ADGRB3: variants seen among roughly 807,000 people sequenced by gnomAD.
ADGRB3 encodes adhesion G protein-coupled receptor B3.
A neutral mutation model predicts 193.4 loss-of-function variants in ADGRB3; 37 were observed. The observed-to-expected ratio is 0.19, with a 90% CI of 0.15 to 0.25. ADGRB3 has a LOEUF of 0.25. ADGRB3 is among the 10% of genes least tolerant of loss of function. The pLI is 1.00. For synonymous variants in ADGRB3, 690 were observed against 644.2 expected (o/e 1.07, Z -1.08); for missense variants, 1,637 against 1,852.9 (o/e 0.88, Z 2.14).
intron 10 of ADGRB3, among the ~76,000 whole-genome samples, chr6:68,981,895 T>TTAGACAGAG (rs199631684): frequency 7.1e-6 from 1 of 141,524 alleles, no homozygotes; most frequent in African/African-American, 2.5e-5. Flanking sequence ...TTTATTTATT[T>TTAGACAGAG]TAGACAGAGT....
intron 17 of ADGRB3, among the ~76,000 whole-genome samples, chr6:69,130,803 T>C (rs17509993): frequency 0.12 from 18,797 of 151,998 alleles, 1,233 homozygotes; most frequent in Middle Eastern, 0.29. Flanking sequence ...TTTCAGCTCT[T>C]TAATGCCTGT....
chr6:68,772,963 T>A (rs801272), intron 3 of ADGRB3, among the ~76,000 whole-genome samples: 110,679 of 117,780 alleles, frequency 0.94, 51,854 homozygotes, highest in East Asian at 1. Context: ...AAAATAAAAA[T>A]AAAATAGACA....
intron 5 of ADGRB3, among the ~76,000 whole-genome samples, chr6:68,941,033 C>G (rs1767628557): frequency 6.6e-6 from 1 of 151,966 alleles, no homozygotes; most frequent in Non-Finnish European, 1.5e-5. Context: ...CTCTAGTTAT[C>G]ACAAAAAGAC....
At chr6:68,883,687 G>A (rs1765807581) in intron 3 of ADGRB3, among the ~76,000 whole-genome samples, 1 of 152,140 alleles carries the variant, frequency 6.6e-6, no homozygotes, top group Admixed American at 6.5e-5. Context: ...AAGCCAGCGA[G>A]ACCACGAACC....
Position 68,635,918 on chromosome 6 carries a change from G to A in ADGRB3, c.-270G>A, listed in dbSNP as rs930240151. On this transcript the variant is annotated 5_prime_UTR_variant, in exon 1 of 32. Coordinates refer to ENST00000370598, the MANE Select transcript of ADGRB3 (RefSeq NM_001704.3). ...GGCAACGGTGATTGGGACCGAAGGG[G>A]AGTCTCTCCGTCACTGTTGCTGGGA... 1 of 152,704 alleles carries A rather than the reference G, an allele frequency of 6.5e-6. No individual in the cohort carries two copies. Among genetic ancestry groups the A allele is most frequent in the Non-Finnish European group, 1.5e-5 (1 of 68,196 alleles). 9.5% of individuals were successfully genotyped at this position (152,704 alleles called of 1,614,324 possible).
intron 5 of ADGRB3, among the ~76,000 whole-genome samples, chr6:68,940,568 T>TTTTGTTG (rs59628221): frequency 9.5e-5 from 1 of 10,578 alleles, no homozygotes; most frequent in Admixed American, 1.2e-3. Flanking sequence ...TTTTTTTTTT[T>TTTTGTTG]GCTAAATGTA....
intron 13 of ADGRB3, among the ~76,000 whole-genome samples, chr6:69,025,890 T>C (rs1003832947): frequency 5.3e-5 from 8 of 152,118 alleles, no homozygotes; most frequent in African/African-American, 1.2e-4. Flanking sequence ...GAGGGTGACA[T>C]TGTGAAAGGC....
intron 3 of ADGRB3, among the ~76,000 whole-genome samples, chr6:68,693,774 T>C (rs987856676): frequency 1.3e-5 from 2 of 151,958 alleles, no homozygotes; most frequent in Non-Finnish European, 2.9e-5. Context: ...CAGTGTATCA[T>C]GAATGTAGTG....
At chr6:68,747,745 G>A (rs1444539415) in intron 3 of ADGRB3, among the ~76,000 whole-genome samples, 1 of 152,154 alleles carries the variant, frequency 6.6e-6, no homozygotes, top group Non-Finnish European at 1.5e-5. Context: ...ACCTAGTTGA[G>A]AGTTTTCTTG....
rs1768021242 is a variant in ADGRB3, at chr6:68,639,145, T to C, written c.470T>C (p.Val157Ala). ...EDQKSFFEFL[V>A]LNKVSPSQFG... ...CAGAAATCTTTTTTTGAGTTTTTGG[T>C]ATTGAACAAGGTCAGCCCAAGCCAG... The change falls in exon 3 of 32, where the codon GTA becomes GCA. Residue 157 changes from valine (V) to alanine (A), a missense_variant. Around this residue, in one of 7 missense-constraint regions of ADGRB3, gnomAD observed 365 missense variants for 409.8 expected, o/e 0.89. Coordinates refer to ENST00000370598, the MANE Select transcript of ADGRB3 (RefSeq NM_001704.3). The C allele has an allele frequency of 6.2e-7, 1 of 1,614,030 alleles. No homozygotes were observed. Among genetic ancestry groups the C allele is most frequent in the Admixed American group, 1.7e-5 (1 of 60,002 alleles).
chr6:69,258,039 A>T (rs781485561), intron 20 of ADGRB3, among the ~76,000 whole-genome samples: 24 of 152,124 alleles, frequency 1.6e-4, no homozygotes, highest in Non-Finnish European at 2.5e-4. Context: ...TCCAGACCCC[A>T]TTTGTCAGGA....
intron 17 of ADGRB3, among the ~76,000 whole-genome samples, chr6:69,222,153 C>A (rs1765910788): frequency 6.6e-6 from 1 of 152,114 alleles, no homozygotes; most frequent in Non-Finnish European, 1.5e-5. Context: ...GAGGGATAAT[C>A]CTTGATGGAT....
At chr6:68,895,060 A>G (rs1223988068) in intron 3 of ADGRB3, among the ~76,000 whole-genome samples, 1 of 151,960 alleles carries the variant, frequency 6.6e-6, no homozygotes, top group Non-Finnish European at 1.5e-5. Flanking sequence ...TATTAAATAT[A>G]CTTTTTAAAC....
chr6:68,749,446 G>A (rs1582170266), intron 3 of ADGRB3, among the ~76,000 whole-genome samples: 2 of 139,462 alleles, frequency 1.4e-5, no homozygotes, highest in South Asian at 4.7e-4. Context: ...GTGTGTGTGT[G>A]TATAATTAAT....
At chr6:68,944,116 A>G (rs1422239521) in intron 6 of ADGRB3, 122 bp downstream of exon 6, 1 of 1,098,806 alleles carries the variant, frequency 9.1e-7, no homozygotes, top group Non-Finnish European at 1.3e-6. Context: ...TGTCCTTTTC[A>G]TTGTATCTTG....
At chr6:68,875,368 A>G (rs9446061) in intron 3 of ADGRB3, among the ~76,000 whole-genome samples, 1,649 of 143,526 alleles carry the variant, frequency 0.011, 49 homozygotes, top group African/African-American at 0.039. Context: ...ATCAGCTGAT[A>G]TATTTGGTAA....
chr6:68,981,814 G>A (rs1469666969), intron 10 of ADGRB3, among the ~76,000 whole-genome samples: 1 of 150,608 alleles, frequency 6.6e-6, no homozygotes, highest in Non-Finnish European at 1.5e-5. Flanking sequence ...ACACTTTTGG[G>A]GTTCTCCAAA....
chr6:69,312,442 A>G (rs1301817734), intron 20 of ADGRB3, among the ~76,000 whole-genome samples: 1 of 151,778 alleles, frequency 6.6e-6, no homozygotes, highest in African/African-American at 2.4e-5. Context: ...ATATAAGCAC[A>G]GATGGAATCA....
At chr6:69,301,013 A>T (rs1016055652) in intron 20 of ADGRB3, among the ~76,000 whole-genome samples, 2 of 151,822 alleles carry the variant, frequency 1.3e-5, no homozygotes, top group Non-Finnish European at 2.9e-5. Flanking sequence ...GAACAACATG[A>T]GTTGGAACTG....
Sources: gnomAD v4.1 joint callset for allele counts (sites outside exome capture counted in the v4.1 genomes callset) on GRCh38, gnomAD v4.1.1 for gene constraint, gnomAD v4.1.1 regional missense constraint, MANE v1.5 for transcripts, NCBI Gene and HGNC (gene_info 2026-07-23, HGNC 2026-07-21) for gene names.